The following ZMIZ1 variants were observed in gnomAD, a reference collection of about 807,000 sequenced individuals.
ZMIZ1 encodes the protein zinc finger MIZ domain-containing protein 1.
A neutral mutation model predicts 113.9 loss-of-function variants in ZMIZ1; 17 were observed. The observed-to-expected ratio is 0.15, with a 90% CI of 0.10 to 0.22. ZMIZ1 has a LOEUF of 0.22. Among genes scored for constraint, ZMIZ1 ranks in the 10% least tolerant of loss-of-function variants. The probability of loss-of-function intolerance (pLI) is 1.00; values close to 1 mark genes in which losing one functional copy is unlikely to be tolerated. For synonymous variants in ZMIZ1, 607 were observed against 603.1 expected (o/e 1.01, Z -0.09); for missense variants, 1,059 against 1,477.8 (o/e 0.72, Z 4.65).
chr10:79,168,756 TCTG>T (rs1207519406), intron 4 of ZMIZ1, among the ~76,000 whole-genome samples: 5 of 152,282 alleles, frequency 3.3e-5, no homozygotes, highest in Middle Eastern at 3.4e-3. Context: ...ATGTCTCAGC[TCTG>T]GGCTGTGGCC....
intron 3 of ZMIZ1, among the ~76,000 whole-genome samples, chr10:79,146,671 C>T (rs1190701727): frequency 6.6e-6 from 1 of 152,238 alleles, no homozygotes; most frequent in East Asian, 1.9e-4. Flanking sequence ...CATCTGCCCT[C>T]TGGGTGGGGA....
At chr10:79,289,108 T>C (rs980453143) in intron 8 of ZMIZ1, among the ~76,000 whole-genome samples, 4 of 152,152 alleles carry the variant, frequency 2.6e-5, no homozygotes, top group Non-Finnish European at 5.9e-5. Flanking sequence ...ACCAAAGGTC[T>C]TTGATTGTGC....
At chr10:79,234,329 C>CG (rs1466928689) in intron 7 of ZMIZ1, among the ~76,000 whole-genome samples, 1 of 152,076 alleles carries the variant, frequency 6.6e-6, no homozygotes, top group African/African-American at 2.4e-5. Context: ...CCCTGGGCCT[C>CG]GGAAGCTCAG....
chr10:79,302,064 G>A (rs1854341216), intron 17 of ZMIZ1, 43 bp from the exon 18 acceptor site: 2 of 1,598,484 alleles, frequency 1.3e-6, no homozygotes, highest in Middle Eastern at 2.0e-4. Context: ...GGCGGGGTGT[G>A]GGGACAGTGC....
chr10:79,302,056 C>T (rs533039175), intron 17 of ZMIZ1, 51 bp from the exon 18 acceptor site: 22 of 1,581,960 alleles, frequency 1.4e-5, no homozygotes, highest in Middle Eastern at 2.1e-4. Context: ...GCAGGCAGGG[C>T]GGGGTGTGGG....
intron 11 of ZMIZ1, among the ~76,000 whole-genome samples, chr10:79,293,090 C>A (rs895220538): frequency 6.6e-6 from 1 of 152,118 alleles, no homozygotes; most frequent in Admixed American, 6.5e-5. Context: ...CTGCCTGCCT[C>A]CCTCCCTGGA....
chr10:79,236,238 G>A (rs185866030), intron 7 of ZMIZ1, among the ~76,000 whole-genome samples: 4 of 152,174 alleles, frequency 2.6e-5, no homozygotes, highest in African/African-American at 9.7e-5. Flanking sequence ...TTCTTCCGCT[G>A]CAAAGTGGAA....
chr10:79,311,194 G>T lies in ZMIZ1; in HGVS notation c.3096+10G>T. 6.2e-7 allele frequency: 1 copy of T among 1,604,264 alleles called. No individual in the cohort carries two copies. The highest frequency in any genetic ancestry group is 8.5e-7 in the Non-Finnish European group (1 of 1,174,676). ...GGAGCCTTCGCTGGATGTAAGTTGG[G>T]GTCGCCACTCGCCTTGGCCTGGGGC... On this transcript the variant is annotated intron_variant, in intron 24 of 24. Coordinates refer to ENST00000334512, the MANE Select transcript of ZMIZ1 (RefSeq NM_020338.4).
intron 1 of ZMIZ1, among the ~76,000 whole-genome samples, chr10:79,115,283 A>T (rs545065340): frequency 5.3e-4 from 80 of 152,272 alleles, no homozygotes; most frequent in African/African-American, 1.8e-3. Context: ...GTGGGCTTGG[A>T]GTTCTCTCTG....
chr10:79,259,005 T>C (rs879332387), intron 7 of ZMIZ1, among the ~76,000 whole-genome samples: 4 of 152,110 alleles, frequency 2.6e-5, no homozygotes, highest in Admixed American at 2.6e-4. Context: ...GGATTGTGTG[T>C]GACGGTCTAA....
At chr10:79,089,464 C>G (rs1842925672) in intron 1 of ZMIZ1, among the ~76,000 whole-genome samples, 1 of 152,214 alleles carries the variant, frequency 6.6e-6, no homozygotes, top group East Asian at 1.9e-4. Context: ...TGGTCTGGTA[C>G]AATTGAAGTC....
intron 1 of ZMIZ1, among the ~76,000 whole-genome samples, chr10:79,082,465 T>C (rs1296762137): frequency 1.3e-5 from 2 of 152,190 alleles, no homozygotes; most frequent in Non-Finnish European, 2.9e-5. Context: ...TGTGATCCCT[T>C]CCAGGCCCCT....
intron 10 of ZMIZ1, 83 bp downstream of exon 10, chr10:79,291,259 A>T: frequency 7.1e-7 from 1 of 1,415,058 alleles, no homozygotes; most frequent in Non-Finnish European, 9.4e-7. Flanking sequence ...CTTAAATCCC[A>T]GCTCCACGCT....
At chr10:79,078,450 C>T (rs1842547847) in intron 1 of ZMIZ1, among the ~76,000 whole-genome samples, 1 of 152,074 alleles carries the variant, frequency 6.6e-6, no homozygotes, top group South Asian at 2.1e-4. Flanking sequence ...AAAGAGAGGG[C>T]AGCAGAGCAC....
intron 6 of ZMIZ1, among the ~76,000 whole-genome samples, chr10:79,212,703 C>G (rs923435725): frequency 2.0e-5 from 3 of 150,730 alleles, no homozygotes; most frequent in African/African-American, 7.4e-5. Flanking sequence ...TTGCACTGAG[C>G]TGAAATCGTG....
chr10:79,221,583 G>A (rs1848974881), intron 7 of ZMIZ1, among the ~76,000 whole-genome samples: 3 of 151,684 alleles, frequency 2.0e-5, no homozygotes, highest in African/African-American at 7.3e-5. Flanking sequence ...GGGACTTGGC[G>A]GGCAGCACTG....
intron 1 of ZMIZ1, among the ~76,000 whole-genome samples, chr10:79,112,362 G>A (rs1364563850): frequency 3.3e-5 from 5 of 152,188 alleles, no homozygotes; most frequent in Non-Finnish European, 5.9e-5. Flanking sequence ...AGCAATTCAG[G>A]TGGGAGCATG....
chr10:79,291,215 A>G, intron 10 of ZMIZ1, 39 bp downstream of exon 10: 1 of 1,552,018 alleles, frequency 6.4e-7, no homozygotes, highest in Non-Finnish European at 8.7e-7. Context: ...CATGGACGCC[A>G]CCCCTCTTCC....
rs574941781 is a variant in ZMIZ1, at chr10:79,111,646, G to A, written c.-336-7269G>A. Among the ~76,000 whole-genome samples the A allele has an allele frequency of 5.9e-5, 9 of 152,334 alleles. No individual in the cohort carries two copies. The South Asian group carries it at 1.9e-3, about 32-fold the overall frequency. ...CAGCTACTCGGAGATCTTGACTCAA[G>A]AGTTAATGATTCATTTGTGGCCAAT... On this transcript the variant is annotated intron_variant, in intron 1 of 24. Transcript: ENST00000334512.
Sources: allele counts gnomAD v4.1 joint callset (sites outside exome capture counted in the v4.1 genomes callset), GRCh38; gene constraint gnomAD v4.1.1; transcripts MANE v1.5; gene names NCBI Gene and HGNC (gene_info 2026-07-23, HGNC 2026-07-21).